The following KCNJ3 variants were observed in gnomAD, a reference collection of about 807,000 sequenced individuals.
The protein encoded by KCNJ3 is G protein-activated inward rectifier potassium channel 1.
Under a neutral mutation model 39.2 loss-of-function variants are expected in KCNJ3, and 4 were observed. That is an observed-to-expected ratio of 0.10 (90% CI 0.05 to 0.23). KCNJ3 has a LOEUF of 0.23. Ranked by LOEUF, KCNJ3 falls within the 10% of genes least tolerant of loss-of-function variation. The pLI, the probability that KCNJ3 is intolerant of heterozygous loss-of-function variation, is 1.00. For missense variants in KCNJ3, 276 were observed against 634.9 expected (o/e 0.43, Z 6.08); for synonymous variants, 230 against 237.4 (o/e 0.97, Z 0.29).
At chr2:154,838,145 G>A (rs996544674) in intron 2 of KCNJ3, among the ~76,000 whole-genome samples, 7 of 152,158 alleles carry the variant, frequency 4.6e-5, no homozygotes, top group African/African-American at 1.2e-4. Flanking sequence ...TTAAGATGGA[G>A]AAATCAGGAA....
intron 2 of KCNJ3, among the ~76,000 whole-genome samples, chr2:154,712,707 G>A (rs941208056): frequency 6.6e-6 from 1 of 152,100 alleles, no homozygotes; most frequent in South Asian, 2.1e-4. Context: ...GGGGGTGAGC[G>A]TGGGGAACCA....
chr2:154,814,767 G>T (rs1046796626), intron 2 of KCNJ3, among the ~76,000 whole-genome samples: 1 of 152,042 alleles, frequency 6.6e-6, no homozygotes, highest in Non-Finnish European at 1.5e-5. Flanking sequence ...AATTATCTCT[G>T]TAGAACTGCC....
intron 2 of KCNJ3, among the ~76,000 whole-genome samples, chr2:154,804,552 G>T (rs1686877447): frequency 6.6e-6 from 1 of 152,114 alleles, no homozygotes; most frequent in Non-Finnish European, 1.5e-5. Flanking sequence ...TATTCCTATT[G>T]AATTTTCTGC....
chr2:154,723,068 C>T (rs920060719), intron 2 of KCNJ3, among the ~76,000 whole-genome samples: 1 of 151,756 alleles, frequency 6.6e-6, no homozygotes, highest in Non-Finnish European at 1.5e-5. Flanking sequence ...ATTACTTGAG[C>T]CCCCAGGAAT....
chr2:154,736,272 A>G (rs1685526917), intron 2 of KCNJ3, among the ~76,000 whole-genome samples: 1 of 151,464 alleles, frequency 6.6e-6, no homozygotes, highest in African/African-American at 2.4e-5. Context: ...AACTGAGCCT[A>G]CTTTAATACT....
At chr2:154,831,901 G>A (rs1687370027) in intron 2 of KCNJ3, among the ~76,000 whole-genome samples, 1 of 152,150 alleles carries the variant, frequency 6.6e-6, no homozygotes, top group African/African-American at 2.4e-5. Context: ...TCTGCAGGTT[G>A]TACAAGAAGC....
At chr2:154,740,725 C>CA (rs1347259730) in intron 2 of KCNJ3, among the ~76,000 whole-genome samples, 1 of 151,668 alleles carries the variant, frequency 6.6e-6, no homozygotes, top group African/African-American at 2.4e-5. Flanking sequence ...TTTATATAAT[C>CA]AAAAAAATGA....
At chr2:154,720,587 C>T (rs1201211196) in intron 2 of KCNJ3, among the ~76,000 whole-genome samples, 1 of 151,966 alleles carries the variant, frequency 6.6e-6, no homozygotes, top group Non-Finnish European at 1.5e-5. Flanking sequence ...TATTTCAGAG[C>T]CCTCTTATTC....
rs1289082918 is a variant in KCNJ3, at chr2:154,823,151, C to G, written c.920-31576C>G. 2.6e-5 allele frequency among the ~76,000 whole-genome samples: 4 copies of G among 151,888 alleles called. No individual in the cohort carries two copies. The East Asian group carries it at 7.7e-4, about 29-fold the overall frequency. The stretch of plus-strand genomic sequence containing the variant: ...ATTGCCAAATAATATTGATATGGTA[C>G]TAATAAAAAGTATGGTACATACAAT... On this transcript the variant is annotated intron_variant, in intron 2 of 2. Transcript: ENST00000295101.
At chr2:154,771,572 C>G (rs559059599) in intron 2 of KCNJ3, among the ~76,000 whole-genome samples, 2 of 152,206 alleles carry the variant, frequency 1.3e-5, no homozygotes, top group South Asian at 4.1e-4. Context: ...ATAGGGCAGA[C>G]TCAACCACGG....
intron 2 of KCNJ3, among the ~76,000 whole-genome samples, chr2:154,799,823 A>G (rs554029018): frequency 6.6e-6 from 1 of 152,272 alleles, no homozygotes; most frequent in South Asian, 2.1e-4. Context: ...CTGTTCTTGG[A>G]ATTTATACCT....
chr2:154,709,684 C>A lies in KCNJ3; in HGVS notation c.784C>A (p.Leu262Ile). 6.2e-7 allele frequency: 1 copy of A among 1,613,908 alleles called. No homozygotes were observed. The highest frequency in any genetic ancestry group is 8.5e-7 in the Non-Finnish European group (1 of 1,179,902). ...AGGTTTTAGTACAGGGGCAGATCAA[C>A]TTTTTCTTGTGTCCCCCCTCACAAT... The part of the protein sequence containing the change: ...DVGFSTGADQ[L>I]FLVSPLTICH... The change falls in exon 2 of 3, where the codon CTT becomes ATT. Residue 262 changes from leucine (L) to isoleucine (I), a missense_variant. By Grantham distance (5) the Leu-to-Ile change is conservative (BLOSUM62 2). Transcript: ENST00000295101.
chr2:154,757,166 A>G (rs1035094503), intron 2 of KCNJ3, among the ~76,000 whole-genome samples: 3 of 152,214 alleles, frequency 2.0e-5, no homozygotes, highest in Admixed American at 6.5e-5. Context: ...AATCAAGAAT[A>G]TAAGTCAAGA....
chr2:154,815,324 T>C (rs1308079094), intron 2 of KCNJ3, among the ~76,000 whole-genome samples: 1 of 152,202 alleles, frequency 6.6e-6, no homozygotes, highest in Non-Finnish European at 1.5e-5. Flanking sequence ...ATTTAAAAAA[T>C]CCTCAATGGC....
chr2:154,720,381 C>G (rs898333261), intron 2 of KCNJ3, among the ~76,000 whole-genome samples: 1 of 151,982 alleles, frequency 6.6e-6, no homozygotes, highest in Non-Finnish European at 1.5e-5. Flanking sequence ...AGAGCTATGT[C>G]TAGACCATTT....
In KCNJ3 at chr2:154,820,640, G is replaced by C. The variant is rs778688512; in HGVS notation, c.920-34087G>C. Among the ~76,000 whole-genome samples, 4 of 152,148 alleles carry C rather than the reference G, an allele frequency of 2.6e-5. No homozygotes were observed. The East Asian group carries it at 5.8e-4, about 22-fold the overall frequency. On this transcript the variant is annotated intron_variant, in intron 2 of 2. Transcript: ENST00000295101. ...GAAGACAGAAACTTTCTGTCTTCTA[G>C]TGAACAGTTTGCAAACCTGGCAGTT...
intron 2 of KCNJ3, among the ~76,000 whole-genome samples, chr2:154,817,231 C>T (rs2971911): frequency 0.19 from 29,607 of 152,088 alleles, 3,408 homozygotes; most frequent in East Asian, 0.47. Context: ...TCATGATAAG[C>T]AGTCTCAAAT....
chr2:154,846,539 A>G (rs1380729230), intron 2 of KCNJ3, among the ~76,000 whole-genome samples: 1 of 152,174 alleles, frequency 6.6e-6, no homozygotes, highest in African/African-American at 2.4e-5. Context: ...GGTTCAGATA[A>G]TCATAACATG....
At chr2:154,821,575 C>A (rs1687178245) in intron 2 of KCNJ3, among the ~76,000 whole-genome samples, 1 of 150,012 alleles carries the variant, frequency 6.7e-6, no homozygotes, top group Non-Finnish European at 1.5e-5. Flanking sequence ...CAAAAGCTTG[C>A]AGTGACTGAG....
Sources: gnomAD v4.1 joint callset for allele counts (sites outside exome capture counted in the v4.1 genomes callset) on GRCh38, gnomAD v4.1.1 for gene constraint, MANE v1.5 for transcripts, NCBI Gene and HGNC (gene_info 2026-07-23, HGNC 2026-07-21) for gene names.